Variants in KCNN3 observed in about 807,000 individuals in gnomAD.
The protein encoded by KCNN3 is small conductance calcium-activated potassium channel protein 3.
In KCNN3, 16 loss-of-function variants were observed where a neutral mutation model predicts 62.9. That is an observed-to-expected ratio of 0.25 (90% CI 0.17 to 0.39). KCNN3 has a LOEUF of 0.39. Among genes scored for constraint, KCNN3 ranks in the 10% least tolerant of loss-of-function variants. The pLI, the probability that KCNN3 is intolerant of heterozygous loss-of-function variation, is 1.00. For synonymous variants in KCNN3, 370 were observed against 389.2 expected, an observed-to-expected ratio of 0.95 and a Z score of 0.58; for missense variants, 599 against 949.4, an observed-to-expected ratio of 0.63 and a Z score of 4.85.
intron 2 of KCNN3, among the ~76,000 whole-genome samples, chr1:154,779,257 T>C (rs949891591): frequency 1.3e-5 from 2 of 152,238 alleles, no homozygotes; most frequent in African/African-American, 2.4e-5. Flanking sequence ...AAAACTAATA[T>C]ATAACAAAAC....
intron 3 of KCNN3, among the ~76,000 whole-genome samples, chr1:154,757,449 G>A (rs1647777058): frequency 6.6e-6 from 1 of 152,154 alleles, no homozygotes; most frequent in Admixed American, 6.5e-5. Context: ...GCAGGATTCA[G>A]GCTAAACAAG....
intron 1 of KCNN3, among the ~76,000 whole-genome samples, chr1:154,863,733 C>T (rs779149009): frequency 2.0e-5 from 3 of 152,294 alleles, no homozygotes; most frequent in South Asian, 4.1e-4. Flanking sequence ...AAGAGAAATA[C>T]GAGGCATCAG....
At chr1:154,747,501 A>AT (rs1233208478) in intron 3 of KCNN3, among the ~76,000 whole-genome samples, 3 of 151,986 alleles carry the variant, frequency 2.0e-5, no homozygotes, top group East Asian at 1.9e-4. Context: ...TGAACGATTT[A>AT]TTTTTTTTGT....
At chr1:154,860,959 T>TTG (rs1652745868) in intron 1 of KCNN3, among the ~76,000 whole-genome samples, 1 of 147,752 alleles carries the variant, frequency 6.8e-6, no homozygotes, top group South Asian at 2.3e-4. Context: ...AAGTTTTTTT[T>TTG]TTTTTTTTTT....
At position 154,702,780 on chromosome 1, in the gene KCNN3, A is replaced by G. The variant is rs1301766594; in HGVS notation, c.*5196T>C. The G allele has an allele frequency of 7.3e-6, 1 of 137,332 alleles. No homozygotes were observed. Among genetic ancestry groups the G allele is most frequent in the African/African-American group, 2.7e-5 (1 of 37,312 alleles). The allele number at this position is 137,332 out of a possible 1,614,324, so 8.5% of individuals were successfully genotyped here. A position where few individuals can be genotyped will look rare whatever the true frequency, so the allele number is the denominator to read the frequency against. On this transcript the variant is annotated 3_prime_UTR_variant, in exon 8 of 8. Transcript: ENST00000271915. The stretch of plus-strand genomic sequence containing the variant: ...TTTCTTTTTGGCTATAAATGTCAAC[A>G]TCTCTTTGGGATCCTAACTGCAGGT...
intron 5 of KCNN3, among the ~76,000 whole-genome samples, chr1:154,718,086 C>G (rs897649417): frequency 5.9e-5 from 9 of 152,162 alleles, no homozygotes; most frequent in African/African-American, 1.9e-4. Flanking sequence ...TCTCAGGGTG[C>G]AGCAGTGCGA....
intron 1 of KCNN3, among the ~76,000 whole-genome samples, chr1:154,822,643 A>C (rs1650949464): frequency 6.6e-6 from 1 of 152,206 alleles, no homozygotes; most frequent in Non-Finnish European, 1.5e-5. Context: ...AGGATTTCGG[A>C]GGCAGAATTC....
intron 1 of KCNN3, among the ~76,000 whole-genome samples, chr1:154,843,995 A>G (rs1651940458): frequency 6.6e-6 from 1 of 152,212 alleles, no homozygotes; most frequent in Non-Finnish European, 1.5e-5. Flanking sequence ...CTGCACAGCC[A>G]GGCCACAAAG....
At chr1:154,733,999 G>C (rs1383318202) in intron 3 of KCNN3, among the ~76,000 whole-genome samples, 1 of 152,216 alleles carries the variant, frequency 6.6e-6, no homozygotes, top group African/African-American at 2.4e-5. Flanking sequence ...AGGTGCCCTG[G>C]GGATGGAGGC....
intron 5 of KCNN3, among the ~76,000 whole-genome samples, chr1:154,718,164 G>A (rs1291430044): frequency 6.6e-6 from 1 of 152,180 alleles, no homozygotes; most frequent in Non-Finnish European, 1.5e-5. Flanking sequence ...CAATCGGATG[G>A]GTTTGGGGAT....
chr1:154,735,177 C>A (rs1398238165), intron 3 of KCNN3, among the ~76,000 whole-genome samples: 1 of 152,166 alleles, frequency 6.6e-6, no homozygotes, highest in Non-Finnish European at 1.5e-5. Context: ...AGACAGGACA[C>A]AGAGGTGGGG....
chr1:154,809,187 G>A lies in KCNN3; in HGVS notation c.1029+12902C>T, dbSNP rs1247526753. The stretch of plus-strand genomic sequence containing the variant: ...GATCTCACCGAGTGACCAGGTGTAC[G>A]GCTTCACCCGTCCATTTCACAGACT... On this transcript the variant is annotated intron_variant, in intron 2 of 7. Coordinates refer to ENST00000271915, the MANE Select transcript of KCNN3 (RefSeq NM_002249.6). The surrounding 1 kb of genome is among the most constrained non-coding windows in gnomAD (Gnocchi z 4.3). Among the ~76,000 whole-genome samples, 1 of 152,130 alleles carries A rather than the reference G, an allele frequency of 6.6e-6. No individual in the cohort carries two copies. Among genetic ancestry groups the A allele is most frequent in the African/African-American group, 2.4e-5 (1 of 41,404 alleles).
At chr1:154,745,956 C>A (rs1700927519) in intron 3 of KCNN3, among the ~76,000 whole-genome samples, 1 of 152,116 alleles carries the variant, frequency 6.6e-6, no homozygotes, top group African/African-American at 2.4e-5. Flanking sequence ...GGTTTGGATC[C>A]CAGCCCTGCC....
intron 1 of KCNN3, among the ~76,000 whole-genome samples, chr1:154,868,605 A>G (rs1187764486): frequency 2.0e-5 from 3 of 150,868 alleles, no homozygotes; most frequent in Non-Finnish European, 3.0e-5. Context: ...TGGCAAACAC[A>G]TGAAGGCGGA....
At position 154,698,232 on chromosome 1, in the gene KCNN3, T is replaced by C. The variant is rs1373148930; in HGVS notation, c.*9744A>G. The C allele has an allele frequency of 6.6e-6, 1 of 152,144 alleles. No homozygotes were observed. Among genetic ancestry groups the C allele is most frequent in the African/African-American group, 2.4e-5 (1 of 41,418 alleles). The allele number at this position is 152,144 out of a possible 1,614,324, so 9.4% of individuals were successfully genotyped here. A position where few individuals can be genotyped will look rare whatever the true frequency, so the allele number is the denominator to read the frequency against. On this transcript the variant is annotated 3_prime_UTR_variant, in exon 8 of 8. Transcript: ENST00000271915. Reference sequence around the variant, plus strand: ...TATTTACCTAGAACTACAGAAAAATTTATGGGAAGGAAAGTAAGGGTACAG... The same window carrying C: ...TATTTACCTAGAACTACAGAAAAATCTATGGGAAGGAAAGTAAGGGTACAG...
intron 2 of KCNN3, among the ~76,000 whole-genome samples, chr1:154,793,898 C>T (rs1308695004): frequency 1.3e-5 from 2 of 152,118 alleles, no homozygotes; most frequent in African/African-American, 4.8e-5. Flanking sequence ...GGAGAGCATC[C>T]GTCATTCCAT....
At position 154,716,506 on chromosome 1, in the gene KCNN3, T is replaced by C. The variant is rs879402449; in HGVS notation, c.1702-1503A>G. 2.6e-5 allele frequency among the ~76,000 whole-genome samples: 4 copies of C among 152,278 alleles called. No homozygotes were observed. In the East Asian group the frequency reaches 5.8e-4, roughly 22 times the overall value. ...AGATGTGTGGGAAGCCTAGGAAACA[T>C]TGTTTTGCAGGCTGATAACTTTTGT... is the stretch of plus-strand genomic sequence containing the variant. On this transcript the variant is annotated intron_variant, in intron 5 of 7. Transcript: ENST00000271915.
Position 154,869,504 on chromosome 1 carries a change from C to T in KCNN3, c.461G>A (p.Arg154Gln), listed in dbSNP as rs774140951. 4 of 1,613,894 alleles carry T rather than the reference C, an allele frequency of 2.5e-6. No homozygotes were observed. Among genetic ancestry groups the T allele is most frequent in the South Asian group, 1.1e-5 (1 of 91,076 alleles). The change falls in exon 1 of 8, where the codon CGG (arginine) becomes CAG (glutamine). Residue 154 changes from arginine (R) to glutamine (Q), a missense_variant. By Grantham distance (43) the Arg-to-Gln change is conservative. Transcript: ENST00000271915. This position sits in a 1 kb window ranked among gnomAD's most constrained non-coding sequence, Gnocchi z 6.1. The stretch of plus-strand genomic sequence containing the variant: ...CACCAGGGGGCTGGCCTGTCGGTGC[C>T]GGCTGCCTCCGCCAGGCCCACTTGT... ...TATSGPGGGS[R>Q]HRQASPLVHR...
At chr1:154,771,058 G>GATAAATAAATAA (rs112864449) in intron 3 of KCNN3, among the ~76,000 whole-genome samples, 31 of 136,662 alleles carry the variant, frequency 2.3e-4, no homozygotes, top group East Asian at 1.3e-3. Context: ...CTCCATCTCA[G>GATAAATAAATAA]ATAAATAAAT....
Sources: allele counts gnomAD v4.1 joint callset (sites outside exome capture counted in the v4.1 genomes callset), GRCh38; gene constraint gnomAD v4.1.1; non-coding constraint Gnocchi (gnomAD v3.1); transcripts MANE v1.5; gene names NCBI Gene and HGNC (gene_info 2026-07-23, HGNC 2026-07-21).